The following SOX6 variants were observed in gnomAD, a reference collection of about 807,000 sequenced individuals.
The protein encoded by SOX6 is transcription factor SOX-6.
A neutral mutation model predicts 97.8 loss-of-function variants in SOX6; 11 were observed. That is an observed-to-expected ratio of 0.11 (90% confidence interval 0.07 to 0.19). The LOEUF (loss-of-function observed/expected upper bound fraction) is 0.19, where lower values mean the gene tolerates loss of function less well. Among genes scored for constraint, SOX6 ranks in the 10% least tolerant of loss-of-function variants. The pLI is 1.00. For missense variants in SOX6, 810 were observed against 1,039.5 expected (o/e 0.78, Z 3.04); for synonymous variants, 360 against 371.4 (o/e 0.97, Z 0.35).
rs117033433 is a variant in SOX6, at chr11:16,676,832, C to T, written n.429+37998G>A. Among the ~76,000 whole-genome samples, 234 of 152,162 alleles carry T rather than the reference C, an allele frequency of 1.5e-3. 1 individual carries two copies. The East Asian group carries it at 0.043, about 28-fold the overall frequency. ...CAACTTCCTTAGTCCTCAATTCCTG[C>T]TTACACAGATCCTAAAAGTCATTCC... On this transcript the variant is annotated intron_variant and non_coding_transcript_variant, in intron 3 of 5. Transcript: ENST00000524520.
intron 4 of SOX6, among the ~76,000 whole-genome samples, chr11:16,501,235 G>T (rs1007372954): frequency 9.2e-5 from 14 of 152,180 alleles, no homozygotes; most frequent in Admixed American, 2.0e-4. Flanking sequence ...AATAAATGGT[G>T]CTGGGAAAAC....
intron 3 of SOX6, among the ~76,000 whole-genome samples, chr11:16,624,184 T>TTTTATTTATTTATTTA (rs142553542): frequency 0.17 from 25,466 of 147,152 alleles, 2,680 homozygotes; most frequent in Admixed American, 0.3. Flanking sequence ...TATTTTTTTA[T>TTTTATTTATTTATTTA]TTTATTTATT....
chr11:16,675,946 T>C (rs1201779590), intron 3 of SOX6, among the ~76,000 whole-genome samples: 2 of 152,246 alleles, frequency 1.3e-5, no homozygotes, highest in African/African-American at 2.4e-5. Context: ...TTGAGCTTCT[T>C]TGATGTATAG....
chr11:16,123,380 A>G (rs1269095325), intron 6 of SOX6, among the ~76,000 whole-genome samples: 3 of 152,008 alleles, frequency 2.0e-5, no homozygotes, highest in African/African-American at 7.2e-5. Flanking sequence ...TAAGATGTCT[A>G]AGCTATTGAC....
intron 3 of SOX6, among the ~76,000 whole-genome samples, chr11:16,686,942 G>A (rs1165644147): frequency 7.9e-5 from 12 of 151,790 alleles, no homozygotes; most frequent in African/African-American, 2.9e-4. Flanking sequence ...CAGCCTGGGT[G>A]ACAGAGTGAA....
At chr11:16,240,517 A>G (rs1034968745) in intron 3 of SOX6, among the ~76,000 whole-genome samples, 1 of 151,986 alleles carries the variant, frequency 6.6e-6, no homozygotes, top group African/African-American at 2.4e-5. Flanking sequence ...ATTCCTTAAA[A>G]CCAGTACTTA....
intron 1 of SOX6, among the ~76,000 whole-genome samples, chr11:16,347,180 T>C (rs939210456): frequency 2.6e-5 from 4 of 152,122 alleles, no homozygotes; most frequent in African/African-American, 9.6e-5. Flanking sequence ...ATGACTGGCC[T>C]GCTGACTGAC....
intron 4 of SOX6, among the ~76,000 whole-genome samples, chr11:16,495,923 T>C (rs1860587841): frequency 6.6e-6 from 1 of 152,058 alleles, no homozygotes; most frequent in African/African-American, 2.4e-5. Flanking sequence ...CACCACAGCC[T>C]CCACTAACAA....
At chr11:16,017,007 T>A (rs60718933) in intron 12 of SOX6, among the ~76,000 whole-genome samples, 16,751 of 151,860 alleles carry the variant, frequency 0.11, 1,953 homozygotes, top group East Asian at 0.36. Flanking sequence ...CTCAGTAAAA[T>A]AAAATAAAAT....
chr11:16,641,735 C>G (rs1223678720), intron 3 of SOX6, among the ~76,000 whole-genome samples: 1 of 152,080 alleles, frequency 6.6e-6, no homozygotes, highest in East Asian at 1.9e-4. Context: ...CAACCCCTGC[C>G]TTTTTTTGTT....
chr11:16,483,263 C>A (rs1860375722), intron 4 of SOX6, among the ~76,000 whole-genome samples: 1 of 152,172 alleles, frequency 6.6e-6, no homozygotes, highest in African/African-American at 2.4e-5. Flanking sequence ...AAATTAGTTT[C>A]TCTTTCCTCC....
At chr11:16,453,692 G>A (rs1351875487) in intron 1 of SOX6, among the ~76,000 whole-genome samples, 1 of 152,160 alleles carries the variant, frequency 6.6e-6, no homozygotes, top group South Asian at 2.1e-4. Context: ...AAAAATATTG[G>A]TAAAGATCTA....
chr11:16,550,771 T>C (rs1034382105), intron 4 of SOX6, among the ~76,000 whole-genome samples: 1 of 152,194 alleles, frequency 6.6e-6, no homozygotes, highest in Non-Finnish European at 1.5e-5. Flanking sequence ...TAAAATAATA[T>C]TATTTAAAGG....
intron 1 of SOX6, among the ~76,000 whole-genome samples, chr11:16,370,912 C>T (rs970819973): frequency 2.6e-5 from 4 of 152,066 alleles, no homozygotes; most frequent in African/African-American, 7.2e-5. Flanking sequence ...ACTGTAATAG[C>T]CGCTTAAGTG....
In SOX6 at chr11:16,341,692, A is replaced by G. The variant is rs573768073; in HGVS notation, c.-4-440T>C. Among the ~76,000 whole-genome samples, 242 of 152,186 alleles carry G rather than the reference A, an allele frequency of 1.6e-3. 3 individuals are homozygous for G. The South Asian group carries it at 0.05, about 31-fold the overall frequency. The stretch of plus-strand genomic sequence containing the variant: ...AAGCACAATTATCCAACTTTCTCCT[A>G]TGGTTTATGTAGGAGCAAAAGAAGG... On this transcript the variant is annotated intron_variant, in intron 1 of 15. Transcript: ENST00000683767.
Position 16,605,075 on chromosome 11 carries a change from CG to C in SOX6, n.609+7005del. Among the ~76,000 whole-genome samples, 1 of 151,950 alleles carries C rather than the reference CG, an allele frequency of 6.6e-6. No individual in the cohort carries two copies. Among genetic ancestry groups the C allele is most frequent in the Non-Finnish European group, 1.5e-5 (1 of 67,962 alleles). On this transcript the variant is annotated intron_variant and non_coding_transcript_variant, in intron 4 of 5. Coordinates refer to the SOX6 transcript ENST00000524520. This position sits in a 1 kb window ranked among gnomAD's most constrained non-coding sequence, Gnocchi z 5.3. ...AGAAAGCAGCTCCCGCGGGAGCGGC[CG>C]GGCTCGGGCTGGGTCCCGGGGCGGG... is the stretch of plus-strand genomic sequence containing the variant.
At chr11:16,117,402 G>A (rs1849376813) in intron 6 of SOX6, among the ~76,000 whole-genome samples, 1 of 150,304 alleles carries the variant, frequency 6.7e-6, no homozygotes, top group South Asian at 2.1e-4. Context: ...ACAAGCAAAG[G>A]CAACGAGGGT....
intron 3 of SOX6, among the ~76,000 whole-genome samples, chr11:16,249,704 C>T (rs1368086189): frequency 2.0e-5 from 3 of 152,114 alleles, no homozygotes; most frequent in Admixed American, 6.6e-5. Flanking sequence ...AGACCCAGTA[C>T]CAGGATCTGA....
At chr11:16,520,035 T>A (rs1455141277) in intron 4 of SOX6, among the ~76,000 whole-genome samples, 1 of 152,234 alleles carries the variant, frequency 6.6e-6, no homozygotes, top group Non-Finnish European at 1.5e-5. Flanking sequence ...TGCCCAAATT[T>A]TAATGCAGTT....
Sources: allele counts gnomAD v4.1 joint callset (sites outside exome capture counted in the v4.1 genomes callset), GRCh38; gene constraint gnomAD v4.1.1; non-coding constraint Gnocchi (gnomAD v3.1); transcripts MANE v1.5; gene names NCBI Gene and HGNC (gene_info 2026-07-23, HGNC 2026-07-21).